The following CCDC102B variants were observed in gnomAD, a reference collection of about 807,000 sequenced individuals.
CCDC102B encodes coiled-coil domain-containing protein 102B.
In CCDC102B, 75 loss-of-function variants were observed where a neutral mutation model predicts 57.4. The ratio of observed to expected loss-of-function variants is 1.31; its 90% CI spans 1.08 to 1.58. The LOEUF (loss-of-function observed/expected upper bound fraction) is 1.58, where lower values mean the gene tolerates loss of function less well. CCDC102B is among the 40% of genes most tolerant of loss of function. The pLI is 0.00. For missense variants in CCDC102B, 636 were observed against 582.6 expected, an observed-to-expected ratio of 1.09 and a Z score of -0.94; for synonymous variants, 206 against 201.9, an observed-to-expected ratio of 1.02 and a Z score of -0.17.
intron 4 of CCDC102B, among the ~76,000 whole-genome samples, chr18:68,853,696 A>G: frequency 6.9e-6 from 1 of 145,610 alleles, no homozygotes; most frequent in Non-Finnish European, 1.5e-5. Context: ...AAAAAAAAAA[A>G]AAAAAATCTG....
intron 6 of CCDC102B, among the ~76,000 whole-genome samples, chr18:68,927,987 A>C (rs2041534808): frequency 6.6e-6 from 1 of 151,912 alleles, no homozygotes; most frequent in African/African-American, 2.4e-5. Flanking sequence ...GACACTGGGC[A>C]GTTAGATGAT....
At chr18:68,784,796 A>G (rs947960253) in intron 2 of CCDC102B, among the ~76,000 whole-genome samples, 1 of 152,126 alleles carries the variant, frequency 6.6e-6, no homozygotes, top group Non-Finnish European at 1.5e-5. Flanking sequence ...TTGTCTTTAA[A>G]GCCATAGATT....
At chr18:68,850,601 CCATCCACAGGGATGGAT>C (rs2038079294) in intron 4 of CCDC102B, among the ~76,000 whole-genome samples, 1 of 152,034 alleles carries the variant, frequency 6.6e-6, no homozygotes, top group African/African-American at 2.4e-5. Context: ...GAGCAGCTGA[CCATCCACAGGGATGGAT>C]GTTTTGAGTG....
chr18:68,872,755 T>C (rs2039289151), intron 4 of CCDC102B, among the ~76,000 whole-genome samples: 1 of 152,072 alleles, frequency 6.6e-6, no homozygotes, highest in Admixed American at 6.6e-5. Flanking sequence ...GCCTTGACTA[T>C]TCCTGTTTTT....
intron 1 of CCDC102B, among the ~76,000 whole-genome samples, chr18:68,805,131 G>T (rs963689717): frequency 6.6e-6 from 1 of 152,154 alleles, no homozygotes; most frequent in Admixed American, 6.5e-5. Context: ...GTGGATGGCA[G>T]TTGTCTTATA....
At chr18:68,929,705 T>G (rs1308572313) in intron 6 of CCDC102B, among the ~76,000 whole-genome samples, 3 of 151,912 alleles carry the variant, frequency 2.0e-5, no homozygotes, top group African/African-American at 7.2e-5. Flanking sequence ...ATAATGAGTT[T>G]TTGGTAATTT....
At chr18:68,719,543 T>TTGTTCAAAAA (rs1393121559) in intron 2 of CCDC102B, among the ~76,000 whole-genome samples, 8 of 152,208 alleles carry the variant, frequency 5.3e-5, no homozygotes, top group Admixed American at 2.6e-4. Flanking sequence ...TGAATTTACC[T>TTGTTCAAAAA]GCCCTCCATC....
chr18:68,996,432 C>T (rs148461329), intron 6 of CCDC102B, among the ~76,000 whole-genome samples: 15 of 152,310 alleles, frequency 9.8e-5, no homozygotes, highest in African/African-American at 2.4e-4. Context: ...CCTGGCTTTT[C>T]GGTTGACAGA....
At chr18:68,954,929 A>G (rs532416641) in intron 6 of CCDC102B, among the ~76,000 whole-genome samples, 2 of 152,302 alleles carry the variant, frequency 1.3e-5, no homozygotes, top group South Asian at 4.1e-4. Context: ...CACGAAGTCT[A>G]CATAATATGC....
At chr18:69,008,774 A>C (rs532667360) in intron 6 of CCDC102B, among the ~76,000 whole-genome samples, 30 of 152,166 alleles carry the variant, frequency 2.0e-4, no homozygotes, top group Non-Finnish European at 4.1e-4. Flanking sequence ...GCGACTAATC[A>C]ATTGTGTCAG....
At chr18:68,739,240 C>T (rs1338320344) in intron 2 of CCDC102B, among the ~76,000 whole-genome samples, 1 of 152,174 alleles carries the variant, frequency 6.6e-6, no homozygotes, top group Non-Finnish European at 1.5e-5. Flanking sequence ...AAGTGATCTG[C>T]CCAACTTGGC....
At chr18:68,923,611 A>G (rs2041366104) in intron 6 of CCDC102B, among the ~76,000 whole-genome samples, 2 of 152,078 alleles carry the variant, frequency 1.3e-5, no homozygotes, top group African/African-American at 4.8e-5. Context: ...AGAATATGTA[A>G]CAAGAAGCAA....
intron 7 of CCDC102B, among the ~76,000 whole-genome samples, chr18:69,024,636 G>A (rs139978514): frequency 4.6e-5 from 7 of 152,010 alleles, no homozygotes; most frequent in African/African-American, 9.6e-5. Flanking sequence ...TTTCTTTTAC[G>A]TGGGATAAAA....
intron 2 of CCDC102B, among the ~76,000 whole-genome samples, chr18:68,730,054 T>C (rs145920622): frequency 2.6e-4 from 39 of 152,242 alleles, no homozygotes; most frequent in Non-Finnish European, 4.4e-4. Flanking sequence ...TGACTTTCAT[T>C]TTGTGTGTGG....
intron 6 of CCDC102B, among the ~76,000 whole-genome samples, chr18:68,915,911 A>G (rs1463898051): frequency 1.3e-5 from 2 of 152,184 alleles, no homozygotes; most frequent in Non-Finnish European, 2.9e-5. Flanking sequence ...TGAGTTTACA[A>G]ATGTTGCAAT....
intron 4 of CCDC102B, among the ~76,000 whole-genome samples, chr18:68,867,516 G>A (rs2039046603): frequency 6.6e-6 from 1 of 152,130 alleles, no homozygotes; most frequent in Admixed American, 6.5e-5. Flanking sequence ...CCTGTGGGTT[G>A]CTGGCCTAAA....
intron 2 of CCDC102B, among the ~76,000 whole-genome samples, chr18:68,723,961 A>G (rs1447149151): frequency 2.0e-5 from 3 of 152,152 alleles, no homozygotes; most frequent in Non-Finnish European, 4.4e-5. Flanking sequence ...CCTCTGTAAC[A>G]AACTTCTGCC....
intron 5 of CCDC102B, among the ~76,000 whole-genome samples, chr18:68,877,986 G>A (rs1273863739): frequency 6.6e-6 from 1 of 152,172 alleles, no homozygotes; most frequent in Non-Finnish European, 1.5e-5. Flanking sequence ...AAAAAAGAGA[G>A]CCTTCTATTT....
chr18:68,765,367 A>AAGAAAGAAAG (rs2034424501), intron 2 of CCDC102B, among the ~76,000 whole-genome samples: 1 of 147,636 alleles, frequency 6.8e-6, no homozygotes, highest in Non-Finnish European at 1.5e-5. Flanking sequence ...GAAAGAAAGA[A>AAGAAAGAAAG]AGAAAGAAAG....
Sources: allele counts gnomAD v4.1 joint callset (sites outside exome capture counted in the v4.1 genomes callset), GRCh38; gene constraint gnomAD v4.1.1; transcripts MANE v1.5; gene names NCBI Gene and HGNC (gene_info 2026-07-23, HGNC 2026-07-21).